Variants in CNPY3 observed in about 807,000 individuals in gnomAD.
The protein encoded by CNPY3 is canopy FGF signaling regulator 3, also known as protein canopy homolog 3.
In CNPY3, 20 loss-of-function variants were observed where a neutral mutation model predicts 32.0. The ratio of observed to expected loss-of-function variants is 0.63; its 90% CI spans 0.44 to 0.91. The LOEUF (loss-of-function observed/expected upper bound fraction) is 0.91. CNPY3 is among the 40% of genes least tolerant of loss of function. The pLI, the probability that CNPY3 is intolerant of heterozygous loss-of-function variation, is 0.00. For missense variants in CNPY3, 299 were observed against 340.8 expected (o/e 0.88, Z 0.97); for synonymous variants, 138 against 142.9 (o/e 0.97, Z 0.24).
Position 42,934,012 on chromosome 6 carries a change from A to G in CNPY3, c.152-463A>G, listed in dbSNP as rs527613289. Among the ~76,000 whole-genome samples the G allele has an allele frequency of 4.7e-4, 72 of 152,312 alleles. No homozygotes were observed. The Middle Eastern group carries it at 0.01, about 22-fold the overall frequency. On this transcript the variant is annotated intron_variant, in intron 1 of 5. Transcript: ENST00000372836. ...AAGATGAAACCTGTCTCTACTAAAA[A>G]TACAGAATTAGCCGTGCATGGTGGT...
intron 1 of CNPY3, among the ~76,000 whole-genome samples, chr6:42,933,360 C>T (rs941819592): frequency 1.3e-5 from 2 of 152,148 alleles, no homozygotes; most frequent in Non-Finnish European, 2.9e-5. Flanking sequence ...TTGTTTTCAT[C>T]TCTGTATCCC....
chr6:42,930,505 G>A (rs143505110), intron 1 of CNPY3, among the ~76,000 whole-genome samples: 219 of 152,260 alleles, frequency 1.4e-3, no homozygotes, highest in African/African-American at 4.9e-3. Context: ...TGGAGAAAAG[G>A]TGAGTCCCAA....
chr6:42,928,956 A>C (rs2114143992), upstream of CNPY3, among the ~76,000 whole-genome samples: 1 of 152,292 alleles, frequency 6.6e-6, no homozygotes, highest in East Asian at 1.9e-4. Context: ...GGCTACTAAA[A>C]AAGTGTGAAG....
At position 42,938,818 on chromosome 6, in the gene CNPY3, A is replaced by G; in HGVS notation, c.*27A>G. ...CCCACCCAGCATCCTCTGTCCTGAG[A>G]CCCCTGATTTTGAAGCTGAGGAGTC... On this transcript the variant is annotated 3_prime_UTR_variant, in exon 6 of 6. Coordinates refer to ENST00000372836, the MANE Select transcript of CNPY3 (RefSeq NM_006586.5). The G allele has an allele frequency of 6.5e-7, 1 of 1,542,008 alleles. No individual in the cohort carries two copies. Among genetic ancestry groups the G allele is most frequent in the Non-Finnish European group, 8.8e-7 (1 of 1,140,796 alleles).
At chr6:42,936,916 A>T (rs1211588009) in intron 3 of CNPY3, among the ~76,000 whole-genome samples, 1 of 152,086 alleles carries the variant, frequency 6.6e-6, no homozygotes, top group Non-Finnish European at 1.5e-5. Flanking sequence ...CGGGGGGAGG[A>T]TATATTTAGA....
Position 42,938,131 on chromosome 6 carries a change from C to G in CNPY3, c.537C>G (p.Asp179Glu). Reference sequence around the variant, plus strand: ...AAGAGTTTGAGGAGGTGATCGAGGACTGGTACAGGAACCACCAGGAGGAAG... The same window carrying G: ...AAGAGTTTGAGGAGGTGATCGAGGAGTGGTACAGGAACCACCAGGAGGAAG... Reference protein sequence around the residue: ...LVEEFEEVIEDWYRNHQEEDL... With the variant: ...LVEEFEEVIEEWYRNHQEEDL... Residue 179 changes from aspartate (D) to glutamate (E), a missense_variant, in exon 5 of 6, where the codon GAC becomes GAG. Asp to Glu is a conservative substitution (Grantham distance 45, BLOSUM62 2). Coordinates refer to ENST00000372836, the MANE Select transcript of CNPY3 (RefSeq NM_006586.5). 6.2e-7 allele frequency: 1 copy of G among 1,614,148 alleles called. No individual in the cohort carries two copies. The highest frequency in any genetic ancestry group is 8.5e-7 in the Non-Finnish European group (1 of 1,180,012).
intron 2 of CNPY3, 21 bp from the exon 3 acceptor site, chr6:42,935,553 C>T: frequency 1.2e-6 from 2 of 1,600,314 alleles, no homozygotes; most frequent in Non-Finnish European, 8.6e-7. Flanking sequence ...AACTCAGTTC[C>T]TCATCCTCCT....
At chr6:42,935,707 C>T (rs748300073) in intron 3 of CNPY3, 37 bp downstream of exon 3, 1 of 1,591,076 alleles carries the variant, frequency 6.3e-7, no homozygotes, top group Non-Finnish European at 8.6e-7. Flanking sequence ...GCTCTGGGGT[C>T]AGGCCTGCAT....
chr6:42,933,860 G>A (rs182211629), intron 1 of CNPY3, among the ~76,000 whole-genome samples: 2 of 152,184 alleles, frequency 1.3e-5, no homozygotes, highest in Non-Finnish European at 2.9e-5. Context: ...TTTTCTGTAT[G>A]TATGCAATTT....
Position 42,937,705 on chromosome 6 carries a change from C to A in CNPY3, c.373-12C>A, listed in dbSNP as rs2234191. On this transcript the variant is annotated splice_polypyrimidine_tract_variant and intron_variant, in intron 3 of 5. Coordinates refer to ENST00000372836, the MANE Select transcript of CNPY3 (RefSeq NM_006586.5). Reference sequence around the variant, plus strand: ...GGGAGCTCCGCCTGCCATATCTGGTCGCTTCTTCCAGGGCATGTCAGAGAC... The same window carrying A: ...GGGAGCTCCGCCTGCCATATCTGGTAGCTTCTTCCAGGGCATGTCAGAGAC... 1.2e-6 allele frequency: 2 copies of A among 1,613,616 alleles called. No homozygotes were observed. The highest frequency in any genetic ancestry group is 2.2e-5 in the South Asian group (2 of 91,020).
intron 1 of CNPY3, among the ~76,000 whole-genome samples, chr6:42,931,258 C>T (rs1254299043): frequency 1.4e-5 from 2 of 139,090 alleles, no homozygotes; most frequent in African/African-American, 5.5e-5. Flanking sequence ...TGGAGTTTCG[C>T]TCTTATTGCC....
rs868395570 is a variant in CNPY3, at chr6:42,938,719, C to A, written c.765C>A (p.Asp255Glu). 1 of 1,613,914 alleles carries A rather than the reference C, an allele frequency of 6.2e-7. No homozygotes were observed. Among genetic ancestry groups the A allele is most frequent in the South Asian group, 1.1e-5 (1 of 91,058 alleles). ...AGGAGCTGGGTGGCCTTGAGGGAGA[C>A]CCCAGCCCCGAGGAGGATGAGGGCA... Reference protein sequence around the residue: ...QRKELGGLEGDPSPEEDEGIQ... With the variant: ...QRKELGGLEGEPSPEEDEGIQ... The change falls in exon 6 of 6, where the codon GAC becomes GAA. Residue 255 changes from aspartate (D) to glutamate (E), a missense_variant. By Grantham distance (45) the Asp-to-Glu change is conservative. Transcript: ENST00000372836.
chr6:42,935,645 G>C lies in CNPY3; in HGVS notation c.347G>C (p.Arg116Thr). The change falls in exon 3 of 6, where the codon AGG (arginine) becomes ACG (threonine). Residue 116 changes from arginine to threonine, a missense_variant. By Grantham distance (71) the Arg-to-Thr change is moderately conservative. Coordinates refer to ENST00000372836, the MANE Select transcript of CNPY3 (RefSeq NM_006586.5). ...RLLDYSLHKE[R>T]TGSNRFAKGM... is the part of the protein sequence containing the mutation. Reference sequence around the variant, plus strand: ...CTGGATTATAGCCTGCACAAGGAGAGGACCGGCAGCAATCGATTTGCCAAG... The same window carrying C: ...CTGGATTATAGCCTGCACAAGGAGACGACCGGCAGCAATCGATTTGCCAAG... The C allele has an allele frequency of 6.2e-7, 1 of 1,611,236 alleles. No individual in the cohort carries two copies. Among genetic ancestry groups the C allele is most frequent in the Non-Finnish European group, 8.5e-7 (1 of 1,177,712 alleles).
intron 1 of CNPY3, among the ~76,000 whole-genome samples, chr6:42,932,766 G>A (rs1201522618): frequency 6.6e-6 from 1 of 152,086 alleles, no homozygotes; most frequent in Non-Finnish European, 1.5e-5. Context: ...CTTATTACTT[G>A]GAATTTGTAT....
intron 3 of CNPY3, 73 bp downstream of exon 3, chr6:42,935,743 AGT>A (rs1768177401): frequency 2.7e-6 from 4 of 1,503,590 alleles, no homozygotes; most frequent in Non-Finnish European, 3.6e-6. Flanking sequence ...TGCTGGTGTG[AGT>A]GTGATTTGAA....
intron 2 of CNPY3, 108 bp downstream of exon 2, chr6:42,934,706 G>A: frequency 2.0e-6 from 3 of 1,485,564 alleles, no homozygotes; most frequent in Non-Finnish European, 2.8e-6. Context: ...GGCATCATTT[G>A]TAACCAAGAC....
rs962098506 is a variant in CNPY3, at chr6:42,939,199, G to A, written c.*408G>A. ...TAGCTCCTCTCTGCTTACCCCTCCT[G>A]TGGACACCTTGCACTCTGCCTGGCC... is the stretch of plus-strand genomic sequence containing the variant. On this transcript the variant is annotated 3_prime_UTR_variant, in exon 6 of 6. Coordinates refer to ENST00000372836, the MANE Select transcript of CNPY3 (RefSeq NM_006586.5). 2 of 1,006,488 alleles carry A rather than the reference G, an allele frequency of 2.0e-6. No individual in the cohort carries two copies. Among genetic ancestry groups the A allele is most frequent in the Non-Finnish European group, 2.4e-6 (2 of 844,352 alleles). The allele number at this position is 1,006,488 out of a possible 1,614,324, so 62.3% of individuals were successfully genotyped here.
intron 2 of CNPY3, 178 bp from the exon 3 acceptor site, chr6:42,935,396 C>T: frequency 1.0e-6 from 1 of 985,164 alleles, no homozygotes; most frequent in Non-Finnish European, 1.2e-6. Flanking sequence ...TTTTGTCTCT[C>T]TGGTCTGTGT....
At chr6:42,937,580 CTCA>C in intron 3 of CNPY3, 134 bp from the exon 4 acceptor site, 9 of 910,276 alleles carry the variant, frequency 9.9e-6, no homozygotes, top group Non-Finnish European at 1.5e-5. Context: ...GAGACTCCTT[CTCA>C]AAAAAAAAAG....
Sources: allele counts gnomAD v4.1 joint callset (sites outside exome capture counted in the v4.1 genomes callset), GRCh38; gene constraint gnomAD v4.1.1; transcripts MANE v1.5; gene names NCBI Gene and HGNC (gene_info 2026-07-23, HGNC 2026-07-21).